PPM1A: variants seen among roughly 807,000 people sequenced by gnomAD.
PPM1A encodes the protein protein phosphatase, Mg2+/Mn2+ dependent 1A, also known as protein phosphatase 1A.
PPM1A carries 7 observed loss-of-function variants against 35.0 expected under a neutral mutation model. The observed-to-expected ratio is 0.20, with a 90% CI of 0.11 to 0.38. The LOEUF is 0.38. PPM1A is among the 10% of genes least tolerant of loss of function. The pLI, the probability that PPM1A is intolerant of heterozygous loss-of-function variation, is 1.00. For synonymous variants in PPM1A, 153 were observed against 167.3 expected, an observed-to-expected ratio of 0.91 and a Z score of 0.66; for missense variants, 239 against 467.8, an observed-to-expected ratio of 0.51 and a Z score of 4.51.
intron 1 of PPM1A, among the ~76,000 whole-genome samples, chr14:60,277,843 G>A (rs1885931404): frequency 6.6e-6 from 1 of 152,178 alleles, no homozygotes; most frequent in Non-Finnish European, 1.5e-5. Flanking sequence ...TATGCCCACT[G>A]TACAGATGAG....
In PPM1A at chr14:60,253,772, C is replaced by T. The variant is rs1882718722; in HGVS notation, c.-21+4095C>T. ...AAGGAATGGAATCCATGTTAATTCT[C>T]AAGTGGTTGATATCCTTAATGAAGG... On this transcript the variant is annotated intron_variant, in intron 1 of 5. Transcript: ENST00000395076. 2.6e-5 allele frequency among the ~76,000 whole-genome samples: 4 copies of T among 152,150 alleles called. No homozygotes were observed. In the South Asian group the frequency reaches 8.3e-4, roughly 32 times the overall value.
chr14:60,276,910 A>G (rs767008898), intron 1 of PPM1A: 13 of 351,264 alleles, frequency 3.7e-5, no homozygotes, highest in Non-Finnish European at 5.2e-5. Flanking sequence ...AGAATTTTTC[A>G]GTTTAGGGAT....
At chr14:60,284,603 C>T (rs1337979345) in intron 2 of PPM1A, among the ~76,000 whole-genome samples, 6 of 148,512 alleles carry the variant, frequency 4.0e-5, no homozygotes, top group African/African-American at 1.2e-4. Context: ...GATCGCGCCA[C>T]TGCACTCCAG....
Position 60,282,923 on chromosome 14 carries a change from C to T in PPM1A, c.220C>T (p.His74Tyr). The change falls in exon 2 of 6, where the codon CAT becomes TAT. Residue 74 changes from histidine (H) to tyrosine (Y), a missense_variant. Around this residue, in one of 2 missense-constraint regions of PPM1A, gnomAD observed 175 missense variants for 389.2 expected, o/e 0.45. Coordinates refer to ENST00000395076, the MANE Select transcript of PPM1A (RefSeq NM_021003.5). This position sits in a 1 kb window ranked among gnomAD's most constrained non-coding sequence, Gnocchi z 5.1. ...TCAGGTTGCCAAATACTGCTGTGAG[C>T]ATTTGTTAGATCACATCACCAATAA... The part of the protein sequence containing the change: ...GSQVAKYCCE[H>Y]LLDHITNNQD... 6.2e-7 allele frequency: 1 copy of T among 1,614,182 alleles called. No individual in the cohort carries two copies. The highest frequency in any genetic ancestry group is 8.5e-7 in the Non-Finnish European group (1 of 1,180,036).
chr14:60,275,287 T>C lies in PPM1A; in HGVS notation c.-20-7397T>C, dbSNP rs562028856. On this transcript the variant is annotated intron_variant, in intron 1 of 5. Transcript: ENST00000395076. ...ATACAGGATAGCACATGTAGGAGAA[T>C]TGGAGTGTAAGTCCAGAAACCTAAG... 4.6e-5 allele frequency among the ~76,000 whole-genome samples: 7 copies of C among 151,918 alleles called. No individual in the cohort carries two copies. In the East Asian group the frequency reaches 5.8e-4, roughly 13 times the overall value.
At position 60,298,421 on chromosome 14, in the gene PPM1A, A is replaced by G. The variant is rs1315574655; in HGVS notation, c.*5939A>G. On this transcript the variant is annotated 3_prime_UTR_variant, in exon 6 of 6. Coordinates refer to ENST00000395076, the MANE Select transcript of PPM1A (RefSeq NM_021003.5). ...CATCCAAGTCGGACAACCACCACCA[A>G]TGCACACAGTTAATGAGATTTCTAA... 1 of 151,752 alleles carries G rather than the reference A, an allele frequency of 6.6e-6. No individual in the cohort carries two copies. The highest frequency in any genetic ancestry group is 6.6e-5 in the Admixed American group (1 of 15,216). 9.4% of individuals were successfully genotyped at this position (151,752 alleles called of 1,614,324 possible). A position where few individuals can be genotyped will look rare whatever the true frequency, so the allele number is the denominator to read the frequency against.
At chr14:60,267,842 A>G (rs945026862) in intron 1 of PPM1A, among the ~76,000 whole-genome samples, 1 of 152,082 alleles carries the variant, frequency 6.6e-6, no homozygotes, top group Non-Finnish European at 1.5e-5. Flanking sequence ...ATATGTATTC[A>G]TATTCTCTTG....
At chr14:60,275,777 C>T (rs1313520662) in intron 1 of PPM1A, among the ~76,000 whole-genome samples, 1 of 150,562 alleles carries the variant, frequency 6.6e-6, no homozygotes, top group East Asian at 2.0e-4. Flanking sequence ...TGGCTCTAAT[C>T]ATTTTTAAAG....
chr14:60,285,830 T>C lies in PPM1A; in HGVS notation c.952+89T>C, dbSNP rs1020112815. ...TAACATTTTAGCTTTTAGATTTTTA[T>C]GTGTCTTTGACAGCTAGTGTCTAGT... is the stretch of plus-strand genomic sequence containing the variant. On this transcript the variant is annotated intron_variant, in intron 3 of 5. Transcript: ENST00000395076. 35 of 1,543,930 alleles carry C rather than the reference T, an allele frequency of 2.3e-5. No individual in the cohort carries two copies. In the African/African-American group the frequency reaches 4.4e-4, roughly 20 times the overall value.
chr14:60,287,247 CAAT>C, intron 3 of PPM1A: 1 of 958,528 alleles, frequency 1.0e-6, no homozygotes, highest in Non-Finnish European at 1.2e-6. Context: ...TATTTTGTTA[CAAT>C]AATAAGTTTT....
intron 3 of PPM1A, chr14:60,286,967 A>G (rs535853640): frequency 7.2e-5 from 64 of 885,042 alleles, no homozygotes; most frequent in Non-Finnish European, 8.4e-5. Flanking sequence ...CAATTTTAAA[A>G]TATTTAGAAT....
intron 1 of PPM1A, among the ~76,000 whole-genome samples, chr14:60,262,387 C>T (rs561438743): frequency 5.9e-4 from 90 of 152,172 alleles, no homozygotes; most frequent in South Asian, 1.0e-3. Flanking sequence ...TTTCTAGAAC[C>T]GCAAACTAAT....
At chr14:60,255,157 A>AT in intron 1 of PPM1A, among the ~76,000 whole-genome samples, 9 of 112,534 alleles carry the variant, frequency 8.0e-5, no homozygotes, top group African/African-American at 5.3e-4. Flanking sequence ...TTTCTATCAT[A>AT]TGTTTTTTTT....
At chr14:60,288,013 A>G (rs938130884) in intron 3 of PPM1A, 9 of 980,028 alleles carry the variant, frequency 9.2e-6, no homozygotes, top group Non-Finnish European at 1.1e-5. Flanking sequence ...TTACAATTCT[A>G]AGTAAAACGT....
At chr14:60,261,195 A>T (rs890481493) in intron 1 of PPM1A, among the ~76,000 whole-genome samples, 1 of 152,176 alleles carries the variant, frequency 6.6e-6, no homozygotes, top group Non-Finnish European at 1.5e-5. Flanking sequence ...ACAGAAGAAG[A>T]GATTGCTCAG....
At chr14:60,285,526 A>G in intron 2 of PPM1A, 98 bp from the exon 3 acceptor site, 1 of 1,268,494 alleles carries the variant, frequency 7.9e-7, no homozygotes, top group South Asian at 1.5e-5. Flanking sequence ...CATTTTCACT[A>G]GAACAAGTAT....
chr14:60,284,946 A>T (rs1051261505), intron 2 of PPM1A, among the ~76,000 whole-genome samples: 1 of 151,906 alleles, frequency 6.6e-6, no homozygotes, highest in Non-Finnish European at 1.5e-5. Flanking sequence ...ACAAATGTTG[A>T]CTTTTTAAAA....
chr14:60,249,636 G>A lies in PPM1A; in HGVS notation c.-62G>A. Reference sequence around the variant, plus strand: ...CCCCTCCCCGGCTGCCGCCGCCGCCGCCTCGGCCGACCAGGGACCTGCCCG... The same window carrying A: ...CCCCTCCCCGGCTGCCGCCGCCGCCACCTCGGCCGACCAGGGACCTGCCCG... On this transcript the variant is annotated 5_prime_UTR_variant, in exon 1 of 6. Transcript: ENST00000395076. This position sits in a 1 kb window ranked among gnomAD's most constrained non-coding sequence, Gnocchi z 4.5. 4 of 982,870 alleles carry A rather than the reference G, an allele frequency of 4.1e-6. No individual in the cohort carries two copies. Among genetic ancestry groups the A allele is most frequent in the South Asian group, 4.7e-5 (1 of 21,416 alleles). The allele number at this position is 982,870 out of a possible 1,614,324, so 60.9% of individuals were successfully genotyped here. A position where few individuals can be genotyped will look rare whatever the true frequency, so the allele number is the denominator to read the frequency against.
chr14:60,281,576 T>C (rs1331963974), intron 1 of PPM1A, among the ~76,000 whole-genome samples: 1 of 152,176 alleles, frequency 6.6e-6, no homozygotes, highest in East Asian at 1.9e-4. Flanking sequence ...CTCCATTAAA[T>C]CTCTGTTCAT....
Sources: gnomAD v4.1 joint callset for allele counts (sites outside exome capture counted in the v4.1 genomes callset) on GRCh38, gnomAD v4.1.1 for gene constraint, gnomAD v4.1.1 regional missense constraint, Gnocchi (gnomAD v3.1) non-coding constraint, MANE v1.5 for transcripts, NCBI Gene and HGNC (gene_info 2026-07-23, HGNC 2026-07-21) for gene names.